Variants in STARD3NL observed in about 807,000 individuals in gnomAD.
STARD3NL encodes STARD3 N-terminal-like protein.
In STARD3NL, 17 loss-of-function variants were observed where a neutral mutation model predicts 30.9. That is an observed-to-expected ratio of 0.55 (90% CI 0.38 to 0.82). The LOEUF (loss-of-function observed/expected upper bound fraction) is 0.82. STARD3NL is among the 40% of genes least tolerant of loss of function. STARD3NL has a pLI of 0.00. For missense variants in STARD3NL, 234 were observed against 277.6 expected (o/e 0.84, Z 1.12); for synonymous variants, 112 against 100.5 (o/e 1.11, Z -0.69).
chr7:38,230,470 G>C lies in STARD3NL; in HGVS notation c.*565G>C, dbSNP rs1470304732. 1 of 152,426 alleles carries C rather than the reference G, an allele frequency of 6.6e-6. No homozygotes were observed. Among genetic ancestry groups the C allele is most frequent in the African/African-American group, 2.4e-5 (1 of 41,426 alleles). 9.4% of individuals were successfully genotyped at this position (152,426 alleles called of 1,614,324 possible). A position where few individuals can be genotyped will look rare whatever the true frequency, so the allele number is the denominator to read the frequency against. On this transcript the variant is annotated 3_prime_UTR_variant, in exon 9 of 9. Transcript: ENST00000009041. ...GTGTATGGCCTGAAGTGTTGGACTT[G>C]CAAAAGGGGAAGAAAGGAATTGCGA...
chr7:38,189,408 A>G (rs908197260), intron 1 of STARD3NL, among the ~76,000 whole-genome samples: 1 of 152,202 alleles, frequency 6.6e-6, no homozygotes, highest in Non-Finnish European at 1.5e-5. Context: ...AGCCATGTGA[A>G]TTAAATAACA....
intron 1 of STARD3NL, among the ~76,000 whole-genome samples, chr7:38,186,976 A>G (rs1054944049): frequency 2.0e-5 from 3 of 152,164 alleles, no homozygotes; most frequent in Non-Finnish European, 2.9e-5. Flanking sequence ...GAAGGTAGCT[A>G]TAGAGACCCC....
At position 38,228,839 on chromosome 7, in the gene STARD3NL, A is replaced by G. The variant is rs1786937245; in HGVS notation, c.690A>G (p.Pro230=). 1.2e-6 allele frequency: 2 copies of G among 1,612,900 alleles called. No homozygotes were observed. The highest frequency in any genetic ancestry group is 1.7e-6 in the Non-Finnish European group (2 of 1,179,340). Residue 230 remains proline (P), a synonymous_variant, in exon 8 of 9, where the codon CCA becomes CCG. Coordinates refer to ENST00000009041, the MANE Select transcript of STARD3NL (RefSeq NM_032016.4). ...AAGAAAAACAGGACAGTGAGAAACCACTTTTAGAACTATGAGTACTACTTT... is the reference window on the plus strand; with the variant it reads ...AAGAAAAACAGGACAGTGAGAAACCGCTTTTAGAACTATGAGTACTACTTT... ...EAEEKQDSEK[P]LLEL is the part of the protein sequence containing the mutation.
chr7:38,195,977 C>G (rs1175557706), intron 1 of STARD3NL, among the ~76,000 whole-genome samples: 4 of 152,202 alleles, frequency 2.6e-5, no homozygotes, highest in East Asian at 3.9e-4. Flanking sequence ...CCTGATTAGT[C>G]AGCAGCTTAA....
intron 1 of STARD3NL, among the ~76,000 whole-genome samples, chr7:38,200,978 T>C (rs1240366954): frequency 6.6e-6 from 1 of 152,220 alleles, no homozygotes; most frequent in Admixed American, 6.5e-5. Flanking sequence ...CTCTAATTTT[T>C]CTGTTTTTAA....
intron 6 of STARD3NL, 89 bp downstream of exon 6, chr7:38,217,394 C>G (rs2041949563): frequency 1.1e-5 from 14 of 1,226,438 alleles, no homozygotes; most frequent in African/African-American, 3.0e-5. Context: ...AATGGGGCTG[C>G]AAATGGGTAG....
At chr7:38,205,044 T>C (rs1785380353) in intron 1 of STARD3NL, among the ~76,000 whole-genome samples, 1 of 152,254 alleles carries the variant, frequency 6.6e-6, no homozygotes, top group Non-Finnish European at 1.5e-5. Flanking sequence ...CACAGCCGAA[T>C]TGTACCAGAG....
intron 7 of STARD3NL, among the ~76,000 whole-genome samples, chr7:38,223,171 C>T (rs1017428998): frequency 7.9e-5 from 12 of 152,064 alleles, no homozygotes; most frequent in Non-Finnish European, 1.5e-4. Flanking sequence ...ATAGGAGGCA[C>T]CATAAACAAA....
chr7:38,210,873 T>C (rs1562616102), intron 2 of STARD3NL, among the ~76,000 whole-genome samples: 1 of 152,186 alleles, frequency 6.6e-6, no homozygotes, highest in African/African-American at 2.4e-5. Context: ...GTCATAACAG[T>C]CCTAATTTGA....
intron 2 of STARD3NL, among the ~76,000 whole-genome samples, chr7:38,209,281 G>A (rs971062460): frequency 1.3e-5 from 2 of 151,490 alleles, no homozygotes; most frequent in Admixed American, 6.6e-5. Flanking sequence ...AAGGAAATGC[G>A]TCTTTTTTTT....
chr7:38,193,411 G>A (rs139970431), intron 1 of STARD3NL, among the ~76,000 whole-genome samples: 96 of 152,178 alleles, frequency 6.3e-4, no homozygotes, highest in African/African-American at 2.2e-3. Flanking sequence ...CCATCCTCCT[G>A]CCTCAGACTC....
At chr7:38,185,676 A>C (rs1011946763) in intron 1 of STARD3NL, among the ~76,000 whole-genome samples, 2 of 152,190 alleles carry the variant, frequency 1.3e-5, no homozygotes, top group African/African-American at 4.8e-5. Flanking sequence ...TTGTTGAATG[A>C]AAAGAAACCT....
chr7:38,180,820 G>A (rs1312661707), intron 1 of STARD3NL, among the ~76,000 whole-genome samples: 1 of 152,158 alleles, frequency 6.6e-6, no homozygotes, highest in East Asian at 1.9e-4. Flanking sequence ...TTTAGAGCTA[G>A]GGCTGTGGAG....
At chr7:38,193,393 G>A (rs1379137399) in intron 1 of STARD3NL, among the ~76,000 whole-genome samples, 1 of 152,026 alleles carries the variant, frequency 6.6e-6, no homozygotes, top group Non-Finnish European at 1.5e-5. Flanking sequence ...CTGCCTCCTG[G>A]GTTCACGCCA....
intron 2 of STARD3NL, among the ~76,000 whole-genome samples, chr7:38,213,855 C>T (rs1395343211): frequency 2.0e-5 from 3 of 151,946 alleles, no homozygotes; most frequent in Non-Finnish European, 4.4e-5. Flanking sequence ...CTTTAAATGC[C>T]AGGAGAAATA....
At chr7:38,202,571 T>A (rs1785234831) in intron 1 of STARD3NL, among the ~76,000 whole-genome samples, 1 of 152,148 alleles carries the variant, frequency 6.6e-6, no homozygotes, top group South Asian at 2.1e-4. Flanking sequence ...TTTTTATTTT[T>A]TTATATTTTA....
chr7:38,215,319 G>T, intron 4 of STARD3NL: 1 of 519,200 alleles, frequency 1.9e-6, no homozygotes, highest in Non-Finnish European at 3.4e-6. Context: ...TTGGTGCTGA[G>T]CCAAATGAGG....
chr7:38,192,491 C>T (rs11561858), intron 1 of STARD3NL, among the ~76,000 whole-genome samples: 12,682 of 152,128 alleles, frequency 0.083, 654 homozygotes, highest in Middle Eastern at 0.15. Flanking sequence ...AGGAGAGTGG[C>T]ACTCAAGGTG....
chr7:38,214,322 C>T, intron 2 of STARD3NL, 35 bp from the exon 3 acceptor site: 1 of 1,360,496 alleles, frequency 7.4e-7, no homozygotes, highest in Non-Finnish European at 1.0e-6. Flanking sequence ...ACACATAAAC[C>T]TCTCCTTGTT....
Sources: allele counts gnomAD v4.1 joint callset (sites outside exome capture counted in the v4.1 genomes callset), GRCh38; gene constraint gnomAD v4.1.1; transcripts MANE v1.5; gene names NCBI Gene and HGNC (gene_info 2026-07-23, HGNC 2026-07-21).